Variants in RBBP5 observed in about 807,000 individuals in gnomAD.
The protein encoded by RBBP5 is retinoblastoma-binding protein 5.
A neutral mutation model predicts 72.2 loss-of-function variants in RBBP5; 5 were observed. That is an observed-to-expected ratio of 0.07 (90% CI 0.04 to 0.15). The LOEUF (loss-of-function observed/expected upper bound fraction) is 0.15. Ranked by LOEUF, RBBP5 falls within the 10% of genes least tolerant of loss-of-function variation. The pLI is 1.00. For synonymous variants in RBBP5, 209 were observed against 237.2 expected (o/e 0.88, Z 1.09); for missense variants, 322 against 652.2 (o/e 0.49, Z 5.51).
chr1:205,108,863 G>A (rs1656187538), intron 3 of RBBP5, among the ~76,000 whole-genome samples: 1 of 152,184 alleles, frequency 6.6e-6, no homozygotes, highest in African/African-American at 2.4e-5. Flanking sequence ...ACCTGCAGAA[G>A]GCTGTTGAAA....
At chr1:205,092,987 C>CCCTTAAAAA (rs1189507588) in intron 13 of RBBP5, among the ~76,000 whole-genome samples, 1 of 152,158 alleles carries the variant, frequency 6.6e-6, no homozygotes, top group Admixed American at 6.6e-5. Context: ...TTTTAAATCA[C>CCCTTAAAAA]CCTTAAAATA....
At chr1:205,117,521 G>A (rs918527319) in intron 1 of RBBP5, among the ~76,000 whole-genome samples, 2 of 151,634 alleles carry the variant, frequency 1.3e-5, no homozygotes, top group Non-Finnish European at 2.9e-5. Context: ...TTAGCCAGGC[G>A]TGGTGGCGCA....
At chr1:205,100,844 C>T (rs79385288) in intron 6 of RBBP5, among the ~76,000 whole-genome samples, 1,758 of 152,302 alleles carry the variant, frequency 0.012, 43 homozygotes, top group African/African-American at 0.041. Flanking sequence ...AATTTTTCCA[C>T]GGCCCAGGCT....
intron 13 of RBBP5, among the ~76,000 whole-genome samples, chr1:205,093,479 AATATATATATATAT>A (rs1204598107): frequency 4.0e-3 from 31 of 7,826 alleles, no homozygotes; most frequent in South Asian, 0.026. Context: ...AAAAAAAAAA[AATATATATATATAT>A]ATATATATAT....
intron 5 of RBBP5, among the ~76,000 whole-genome samples, chr1:205,102,645 T>C (rs1655881507): frequency 6.6e-6 from 1 of 152,192 alleles, no homozygotes; most frequent in Non-Finnish European, 1.5e-5. Context: ...TACAGTTAAA[T>C]ATGGCTGAAA....
At chr1:205,115,587 G>C (rs1267396969) in intron 2 of RBBP5, among the ~76,000 whole-genome samples, 4 of 152,136 alleles carry the variant, frequency 2.6e-5, no homozygotes, top group Non-Finnish European at 5.9e-5. Flanking sequence ...TATGATGGTG[G>C]TGTTTGTGAA....
Position 205,115,059 on chromosome 1 carries a change from T to C in RBBP5, c.46-98A>G, listed in dbSNP as rs1656468247. ...TATCACTTGTGATACTTTTATTGAA[T>C]ATAAATTACACTGCATACCAAATAA... On this transcript the variant is annotated intron_variant, in intron 2 of 13. Coordinates refer to ENST00000264515, the MANE Select transcript of RBBP5 (RefSeq NM_005057.4). The C allele has an allele frequency of 6.3e-6, 7 of 1,117,194 alleles. No individual in the cohort carries two copies. In the South Asian group the frequency reaches 1.0e-4, roughly 16 times the overall value. 69.2% of individuals were successfully genotyped at this position (1,117,194 alleles called of 1,614,324 possible).
At chr1:205,121,521 C>CCT (rs1207511009) in intron 1 of RBBP5, among the ~76,000 whole-genome samples, 1 of 152,162 alleles carries the variant, frequency 6.6e-6, no homozygotes, top group African/African-American at 2.4e-5. Flanking sequence ...AAGCTTCATC[C>CCT]CAAGCCTCAC....
intron 13 of RBBP5, chr1:205,091,208 T>A (rs998808604): frequency 1.3e-5 from 2 of 152,284 alleles, no homozygotes; most frequent in Non-Finnish European, 2.9e-5. Context: ...TTATTACTGA[T>A]GTTTTTACTG....
intron 3 of RBBP5, among the ~76,000 whole-genome samples, chr1:205,107,939 TC>T (rs35706079): frequency 0.44 from 52,516 of 118,544 alleles, 11,621 homozygotes; most frequent in East Asian, 0.91. Flanking sequence ...AGAGCAAAAA[TC>T]TGTCTCAAAA....
chr1:205,096,771 T>C lies in RBBP5; in HGVS notation c.1307A>G (p.Lys436Arg). Residue 436 changes from lysine to arginine, a missense_variant, in exon 12 of 14, where the codon AAG (lysine) becomes AGG (arginine). Lys to Arg is a conservative substitution (Grantham distance 26). This residue lies in a region of RBBP5 where 109 missense variants were observed against 146.3 expected (regional missense o/e 0.75). Transcript: ENST00000264515. ...SLMDEGASSE[K>R]KRQSSADGSQ... Reference sequence around the variant, plus strand: ...CCCATCTGCTGAGGACTGCCTCTTCTTCTCTGAACTAGCCCCTTCATCCAT... The same window carrying C: ...CCCATCTGCTGAGGACTGCCTCTTCCTCTCTGAACTAGCCCCTTCATCCAT... 1 of 1,614,226 alleles carries C rather than the reference T, an allele frequency of 6.2e-7. No individual in the cohort carries two copies. Among genetic ancestry groups the C allele is most frequent in the Non-Finnish European group, 8.5e-7 (1 of 1,180,054 alleles).
intron 6 of RBBP5, among the ~76,000 whole-genome samples, chr1:205,100,758 G>T (rs1171238233): frequency 1.3e-5 from 2 of 152,098 alleles, no homozygotes; most frequent in African/African-American, 4.8e-5. Flanking sequence ...TAATTCAAGA[G>T]AATTTTGAAC....
intron 13 of RBBP5, among the ~76,000 whole-genome samples, chr1:205,089,690 T>G (rs7538830): frequency 0.1 from 15,588 of 152,170 alleles, 1,473 homozygotes; most frequent in African/African-American, 0.24. Context: ...AGACTAAAGT[T>G]ACAATGAGAT....
intron 3 of RBBP5, among the ~76,000 whole-genome samples, chr1:205,107,623 A>G (rs61822564): frequency 0.078 from 11,939 of 152,286 alleles, 630 homozygotes; most frequent in Non-Finnish European, 0.11. Flanking sequence ...TGAACAATGA[A>G]AAGAGTATAA....
At chr1:205,095,209 T>A in intron 12 of RBBP5, 145 bp from the exon 13 acceptor site, 1 of 791,344 alleles carries the variant, frequency 1.3e-6, no homozygotes, top group Non-Finnish European at 2.0e-6. Context: ...TTTCTATAAG[T>A]ATAAAACAGT....
intron 3 of RBBP5, among the ~76,000 whole-genome samples, chr1:205,107,931 A>G (rs1158574377): frequency 3.0e-4 from 27 of 88,916 alleles, no homozygotes; most frequent in Admixed American, 1.4e-3. Flanking sequence ...GGGTAACAAG[A>G]GCAAAAATCT....
chr1:205,100,449 T>C (rs1213894292), intron 6 of RBBP5, among the ~76,000 whole-genome samples, 178 bp from the exon 7 acceptor site: 1 of 152,234 alleles, frequency 6.6e-6, no homozygotes. Flanking sequence ...ATATGTTTTA[T>C]ACTTCCTGTG....
In RBBP5 at chr1:205,088,765, G is replaced by C. The variant is rs1228462963; in HGVS notation, c.*22C>G. On this transcript the variant is annotated 3_prime_UTR_variant, in exon 14 of 14. Transcript: ENST00000264515. ...GGCCACATGATGGCAAAGTGAGAAA[G>C]AATGAAGAACTTCGAAGGTCTTCAT... 1 of 1,583,858 alleles carries C rather than the reference G, an allele frequency of 6.3e-7. No homozygotes were observed. The highest frequency in any genetic ancestry group is 1.1e-5 in the South Asian group (1 of 88,306).
At chr1:205,090,968 T>C (rs1169107079) in intron 13 of RBBP5, among the ~76,000 whole-genome samples, 2 of 152,008 alleles carry the variant, frequency 1.3e-5, no homozygotes, top group Admixed American at 1.3e-4. Flanking sequence ...AGTAAGTGAC[T>C]TGGAGGTGGT....
Sources: gnomAD v4.1 joint callset for allele counts (sites outside exome capture counted in the v4.1 genomes callset) on GRCh38, gnomAD v4.1.1 for gene constraint, gnomAD v4.1.1 regional missense constraint, MANE v1.5 for transcripts, NCBI Gene and HGNC (gene_info 2026-07-23, HGNC 2026-07-21) for gene names.